The following SRBD1 variants were observed in gnomAD, a reference collection of about 807,000 sequenced individuals.
SRBD1 encodes S1 RNA-binding domain-containing protein 1.
SRBD1 carries 88 observed loss-of-function variants against 115.3 expected under a neutral mutation model. That is an observed-to-expected ratio of 0.76 (90% CI 0.64 to 0.91). The LOEUF (loss-of-function observed/expected upper bound fraction) is 0.91. SRBD1 is among the 40% of genes least tolerant of loss of function. The probability of loss-of-function intolerance (pLI) is 0.00; values close to 1 mark genes in which losing one functional copy is unlikely to be tolerated. For synonymous variants in SRBD1, 509 were observed against 407.7 expected (o/e 1.25, Z -2.99); for missense variants, 1,385 against 1,177.4 (o/e 1.18, Z -2.58).
intron 16 of SRBD1, among the ~76,000 whole-genome samples, chr2:45,432,479 C>T (rs1471884387): frequency 2.0e-5 from 3 of 152,068 alleles, no homozygotes; most frequent in Non-Finnish European, 2.9e-5. Context: ...TATTTTGTAC[C>T]AGACACTGTG....
chr2:45,511,433 C>A (rs1441666006), intron 14 of SRBD1, among the ~76,000 whole-genome samples: 3 of 152,108 alleles, frequency 2.0e-5, no homozygotes, highest in African/African-American at 7.2e-5. Flanking sequence ...TGTTCATCTA[C>A]CAGAAAGAGC....
intron 16 of SRBD1, among the ~76,000 whole-genome samples, chr2:45,458,128 G>A (rs1386781705): frequency 1.3e-5 from 2 of 151,980 alleles, no homozygotes; most frequent in African/African-American, 4.8e-5. Context: ...AACTTGTGAT[G>A]TTACTTTGGA....
chr2:45,567,682 A>G (rs904380379), intron 9 of SRBD1, among the ~76,000 whole-genome samples: 3 of 152,224 alleles, frequency 2.0e-5, no homozygotes, highest in Non-Finnish European at 4.4e-5. Context: ...CTATAAAGAA[A>G]TAAATTGTGA....
intron 3 of SRBD1, 103 bp from the exon 4 acceptor site, chr2:45,599,938 T>A: frequency 7.7e-7 from 1 of 1,305,106 alleles, no homozygotes; most frequent in South Asian, 1.5e-5. Context: ...ATACACACAA[T>A]AACTTGGAAG....
At chr2:45,577,411 AAAT>A (rs1362487443) in intron 7 of SRBD1, among the ~76,000 whole-genome samples, 2 of 152,152 alleles carry the variant, frequency 1.3e-5, no homozygotes, top group Non-Finnish European at 2.9e-5. Context: ...CCTTACAATG[AAAT>A]CTTCCCAGCT....
intron 18 of SRBD1, among the ~76,000 whole-genome samples, chr2:45,414,777 C>CACACACATAGTGTGTATATAGTATGT (rs1667742294): frequency 2.0e-4 from 16 of 78,750 alleles, no homozygotes; most frequent in East Asian, 1.1e-3. Context: ...ATAGTATGTA[C>CACACACATAGTGTGTATATAGTATGT]ACACACACAT....
chr2:45,552,023 C>A (rs1010003749), intron 11 of SRBD1, among the ~76,000 whole-genome samples: 6 of 152,024 alleles, frequency 3.9e-5, no homozygotes, highest in African/African-American at 1.2e-4. Context: ...AGGAAAAATT[C>A]AAGTTATAAT....
intron 10 of SRBD1, among the ~76,000 whole-genome samples, chr2:45,555,911 T>C (rs911505866): frequency 3.9e-5 from 6 of 152,210 alleles, no homozygotes; most frequent in African/African-American, 1.4e-4. Context: ...TTCATCCATC[T>C]ACAGCATCTC....
At chr2:45,393,171 AC>A in intron 19 of SRBD1, 42 bp from the exon 20 acceptor site, 1 of 1,543,870 alleles carries the variant, frequency 6.5e-7, no homozygotes, top group Non-Finnish European at 8.7e-7. Flanking sequence ...TAACAATATT[AC>A]TCCTTTTGCA....
chr2:45,437,389 T>C (rs1208138490), intron 16 of SRBD1, among the ~76,000 whole-genome samples: 2 of 136,180 alleles, frequency 1.5e-5, no homozygotes, highest in Admixed American at 1.4e-4. Context: ...AATAGATCAA[T>C]GGAATAGAAA....
At position 45,435,101 on chromosome 2, in the gene SRBD1, A is replaced by G. The variant is rs1025304576; in HGVS notation, c.2050-15207T>C. Among the ~76,000 whole-genome samples, 187 of 151,984 alleles carry G rather than the reference A, an allele frequency of 1.2e-3. 1 individual carries two copies. Among genetic ancestry groups the G allele is most frequent in the Non-Finnish European group, 2.8e-4 (19 of 67,958 alleles). ...ATCCATGTCCCTACAAAGGACATGAACTCATCCTTTTTTATGGATGCTTAG... is the reference window on the plus strand; with the variant it reads ...ATCCATGTCCCTACAAAGGACATGAGCTCATCCTTTTTTATGGATGCTTAG... On this transcript the variant is annotated intron_variant, in intron 16 of 20. Coordinates refer to ENST00000263736, the MANE Select transcript of SRBD1 (RefSeq NM_018079.5).
intron 15 of SRBD1, among the ~76,000 whole-genome samples, chr2:45,484,775 TAC>T (rs1321779176): frequency 3.9e-5 from 6 of 152,184 alleles, no homozygotes; most frequent in African/African-American, 1.2e-4. Flanking sequence ...CCTGACAACC[TAC>T]AGTCAGTTTT....
At chr2:45,496,140 T>G (rs1312583973) in intron 14 of SRBD1, among the ~76,000 whole-genome samples, 1 of 152,226 alleles carries the variant, frequency 6.6e-6, no homozygotes, top group South Asian at 2.1e-4. Flanking sequence ...GTTTGCATCA[T>G]TTTGCATCAT....
chr2:45,456,954 T>C (rs945617302), intron 16 of SRBD1, among the ~76,000 whole-genome samples: 2 of 151,850 alleles, frequency 1.3e-5, no homozygotes, highest in East Asian at 1.9e-4. Context: ...TTCCAGACAA[T>C]GGCTGACATA....
rs940766520 is a variant in SRBD1, at chr2:45,388,758, C to T, written c.*552G>A. 1 of 153,012 alleles carries T rather than the reference C, an allele frequency of 6.5e-6. No individual in the cohort carries two copies. Among genetic ancestry groups the T allele is most frequent in the African/African-American group, 2.4e-5 (1 of 41,438 alleles). 9.5% of individuals were successfully genotyped at this position (153,012 alleles called of 1,614,324 possible). On this transcript the variant is annotated 3_prime_UTR_variant, in exon 21 of 21. Coordinates refer to ENST00000263736, the MANE Select transcript of SRBD1 (RefSeq NM_018079.5). ...GTGTTTCGAGCCATTCATTTGATAA[C>T]TACAAACACGTCAGAATCTGTTTTA...
At chr2:45,412,646 A>G (rs574956037) in intron 19 of SRBD1, among the ~76,000 whole-genome samples, 67 of 152,292 alleles carry the variant, frequency 4.4e-4, no homozygotes, top group African/African-American at 1.4e-3. Flanking sequence ...CTTCTACTCA[A>G]AAACTTCCCC....
At chr2:45,544,057 C>G (rs1672030798) in intron 14 of SRBD1, among the ~76,000 whole-genome samples, 1 of 151,630 alleles carries the variant, frequency 6.6e-6, no homozygotes, top group Non-Finnish European at 1.5e-5. Context: ...CGGTGAAAAC[C>G]CATCTCTACT....
At chr2:45,575,707 C>T (rs1388352673) in intron 7 of SRBD1, among the ~76,000 whole-genome samples, 1 of 152,080 alleles carries the variant, frequency 6.6e-6, no homozygotes, top group Non-Finnish European at 1.5e-5. Flanking sequence ...TACAGGTCCA[C>T]TTCTTTTTCT....
At chr2:45,458,280 T>C (rs1457515838) in intron 16 of SRBD1, among the ~76,000 whole-genome samples, 5 of 152,124 alleles carry the variant, frequency 3.3e-5, no homozygotes, top group African/African-American at 1.2e-4. Context: ...TAGAAAACAT[T>C]TGTTTTATTT....
Sources: allele counts gnomAD v4.1 joint callset (sites outside exome capture counted in the v4.1 genomes callset), GRCh38; gene constraint gnomAD v4.1.1; transcripts MANE v1.5; gene names NCBI Gene and HGNC (gene_info 2026-07-23, HGNC 2026-07-21).